The following MSRA variants were observed in gnomAD, a reference collection of about 807,000 sequenced individuals.
The protein encoded by MSRA is mitochondrial peptide methionine sulfoxide reductase.
A neutral mutation model predicts 31.3 loss-of-function variants in MSRA; 54 were observed. That is an observed-to-expected ratio of 1.73 (90% CI 1.39 to 2.17). The LOEUF is 2.17. MSRA is among the 30% of genes most tolerant of loss of function. The pLI is 0.00. For synonymous variants in MSRA, 169 were observed against 116.5 expected (o/e 1.45, Z -2.90); for missense variants, 507 against 300.9 (o/e 1.69, Z -5.07).
intron 3 of MSRA, among the ~76,000 whole-genome samples, chr8:10,254,524 C>A (rs10099182): frequency 0.18 from 27,725 of 152,102 alleles, 2,647 homozygotes; most frequent in East Asian, 0.34. Flanking sequence ...TAGTTTCTTG[C>A]CATGACCACT....
intron 5 of MSRA, among the ~76,000 whole-genome samples, chr8:10,352,835 A>C (rs1378533982): frequency 6.6e-6 from 1 of 152,060 alleles, no homozygotes; most frequent in African/African-American, 2.4e-5. Flanking sequence ...GTCAACAACA[A>C]CCGGGGGAGA....
intron 5 of MSRA, among the ~76,000 whole-genome samples, chr8:10,394,529 T>C (rs1806973736): frequency 6.6e-6 from 1 of 152,274 alleles, no homozygotes; most frequent in South Asian, 2.1e-4. Context: ...CTCTATATCA[T>C]CTCACTTGAT....
At chr8:10,109,664 A>C (rs10104911) in intron 1 of MSRA, among the ~76,000 whole-genome samples, 42,954 of 152,058 alleles carry the variant, frequency 0.28, 6,523 homozygotes, top group East Asian at 0.41. Flanking sequence ...ATGTATTTTT[A>C]GCATTGGAAT....
At chr8:10,370,851 G>T (rs1363892024) in intron 5 of MSRA, among the ~76,000 whole-genome samples, 1 of 152,222 alleles carries the variant, frequency 6.6e-6, no homozygotes, top group Non-Finnish European at 1.5e-5. Context: ...TCAGCTTGGG[G>T]ATATTCATCT....
At chr8:10,263,999 T>C (rs562365343) in intron 3 of MSRA, among the ~76,000 whole-genome samples, 2 of 152,358 alleles carry the variant, frequency 1.3e-5, no homozygotes, top group South Asian at 4.1e-4. Flanking sequence ...AAAAATATTT[T>C]TTTTCACAGG....
At chr8:10,176,518 C>T (rs1428250547) in intron 1 of MSRA, among the ~76,000 whole-genome samples, 2 of 152,220 alleles carry the variant, frequency 1.3e-5, no homozygotes, top group South Asian at 2.1e-4. Flanking sequence ...TTTCCTTCTT[C>T]ATGGTAGGGT....
At chr8:10,373,285 C>T (rs1314982452) in intron 5 of MSRA, among the ~76,000 whole-genome samples, 1 of 152,244 alleles carries the variant, frequency 6.6e-6, no homozygotes, top group Non-Finnish European at 1.5e-5. Context: ...AAATAGTCAA[C>T]CAAGGACTGA....
intron 1 of MSRA, among the ~76,000 whole-genome samples, chr8:10,130,061 G>C (rs980311288): frequency 6.6e-6 from 1 of 152,168 alleles, no homozygotes; most frequent in African/African-American, 2.4e-5. Context: ...GACATGGGTG[G>C]GATGTTGAAG....
At chr8:10,387,224 C>G (rs368504078) in intron 5 of MSRA, among the ~76,000 whole-genome samples, 1 of 152,148 alleles carries the variant, frequency 6.6e-6, no homozygotes, top group Non-Finnish European at 1.5e-5. Context: ...GTAACATGAT[C>G]GATGTCACAA....
chr8:10,119,569 T>C (rs1371411615), intron 1 of MSRA, among the ~76,000 whole-genome samples: 2 of 152,190 alleles, frequency 1.3e-5, no homozygotes, highest in Non-Finnish European at 2.9e-5. Context: ...ACCAAGATGA[T>C]TAAAGCACAG....
intron 5 of MSRA, among the ~76,000 whole-genome samples, chr8:10,356,747 C>G (rs1804531000): frequency 6.6e-6 from 1 of 152,128 alleles, no homozygotes; most frequent in Non-Finnish European, 1.5e-5. Context: ...TACCTTGATT[C>G]TGGACTTCCT....
chr8:10,084,925 T>C (rs1419840666), intron 1 of MSRA, among the ~76,000 whole-genome samples: 1 of 152,160 alleles, frequency 6.6e-6, no homozygotes, highest in African/African-American at 2.4e-5. Flanking sequence ...TTAAAAAATT[T>C]ATTTTTTCAG....
intron 5 of MSRA, among the ~76,000 whole-genome samples, chr8:10,386,161 A>T (rs564761133): frequency 2.0e-5 from 3 of 152,308 alleles, no homozygotes; most frequent in East Asian, 3.9e-4. Context: ...TTTAATTCTT[A>T]TGCAGTTCTC....
chr8:10,161,272 C>A (rs906145966), intron 1 of MSRA, among the ~76,000 whole-genome samples: 3 of 152,168 alleles, frequency 2.0e-5, no homozygotes, highest in Non-Finnish European at 4.4e-5. Context: ...TCTGTTTCCC[C>A]ATTTAATTCC....
chr8:10,312,732 G>A (rs1028861095), intron 4 of MSRA, among the ~76,000 whole-genome samples: 1 of 152,176 alleles, frequency 6.6e-6, no homozygotes, highest in Non-Finnish European at 1.5e-5. Context: ...ACGAACACAA[G>A]CTTAGTTTAG....
intron 5 of MSRA, among the ~76,000 whole-genome samples, chr8:10,329,491 T>C (rs1802568457): frequency 6.6e-6 from 1 of 152,188 alleles, no homozygotes; most frequent in South Asian, 2.1e-4. Flanking sequence ...ACCCAAACAA[T>C]CAAGAATACT....
chr8:10,317,160 C>T (rs995161154), intron 4 of MSRA, among the ~76,000 whole-genome samples: 11 of 152,208 alleles, frequency 7.2e-5, no homozygotes, highest in African/African-American at 1.2e-4. Flanking sequence ...ATAGAGATAG[C>T]GATTTCAGAC....
chr8:10,376,817 T>G (rs1044764506), intron 5 of MSRA, among the ~76,000 whole-genome samples: 2 of 152,190 alleles, frequency 1.3e-5, no homozygotes, highest in African/African-American at 4.8e-5. Context: ...ATAAAGAGAT[T>G]TTCATCTAGT....
At chr8:10,126,686 TA>T (rs1304819698) in intron 1 of MSRA, among the ~76,000 whole-genome samples, 1 of 152,142 alleles carries the variant, frequency 6.6e-6, no homozygotes, top group Non-Finnish European at 1.5e-5. Flanking sequence ...CTAATTTTTG[TA>T]TTTTTTAGTA....
Sources: allele counts gnomAD v4.1 joint callset (sites outside exome capture counted in the v4.1 genomes callset), GRCh38; gene constraint gnomAD v4.1.1; transcripts MANE v1.5; gene names NCBI Gene and HGNC (gene_info 2026-07-23, HGNC 2026-07-21).